The following ZBTB20 variants were observed in gnomAD, a reference collection of about 807,000 sequenced individuals.
ZBTB20 encodes the protein zinc finger and BTB domain-containing protein 20.
A neutral mutation model predicts 56.9 loss-of-function variants in ZBTB20; 9 were observed. The observed-to-expected ratio is 0.16, with a 90% CI of 0.10 to 0.28. The LOEUF (loss-of-function observed/expected upper bound fraction) is 0.28, where lower values mean the gene tolerates loss of function less well. Ranked by LOEUF, ZBTB20 falls within the 10% of genes least tolerant of loss-of-function variation. The pLI is 1.00. For synonymous variants in ZBTB20, 417 were observed against 420.7 expected (o/e 0.99, Z 0.11); for missense variants, 655 against 1,003.0 (o/e 0.65, Z 4.69).
intron 5 of ZBTB20, among the ~76,000 whole-genome samples, chr3:114,710,031 T>C (rs1008590009): frequency 1.1e-4 from 16 of 152,164 alleles, no homozygotes; most frequent in African/African-American, 3.6e-4. Context: ...TTCCTACACA[T>C]TAAACTACAG....
At chr3:114,953,832 T>A (rs2077157698) in intron 3 of ZBTB20, among the ~76,000 whole-genome samples, 1 of 152,014 alleles carries the variant, frequency 6.6e-6, no homozygotes, top group Non-Finnish European at 1.5e-5. Context: ...ACTGAAAAAA[T>A]TAGCTTCATA....
intron 2 of ZBTB20, among the ~76,000 whole-genome samples, chr3:115,012,521 A>C (rs367984114): frequency 1.3e-5 from 2 of 151,892 alleles, no homozygotes. Flanking sequence ...CAAGGATATA[A>C]CAATTGTAAT....
intron 5 of ZBTB20, among the ~76,000 whole-genome samples, chr3:114,748,529 G>T (rs2067299212): frequency 6.6e-6 from 1 of 151,728 alleles, no homozygotes; most frequent in Admixed American, 6.6e-5. Flanking sequence ...ACCTGTTGTG[G>T]CAAAGTTACT....
chr3:114,960,323 AT>A (rs1197047836), intron 3 of ZBTB20, among the ~76,000 whole-genome samples: 1 of 152,220 alleles, frequency 6.6e-6, no homozygotes, highest in Admixed American at 6.5e-5. Flanking sequence ...GCTTTTATAA[AT>A]TTTGACTGTG....
intron 6 of ZBTB20, among the ~76,000 whole-genome samples, chr3:114,503,408 C>A (rs1374097440): frequency 2.0e-5 from 3 of 152,164 alleles, no homozygotes; most frequent in Non-Finnish European, 2.9e-5. Flanking sequence ...TCAAAAGACA[C>A]CTACTTCTTG....
chr3:114,685,854 TAA>T (rs1161131838), intron 6 of ZBTB20, among the ~76,000 whole-genome samples: 1 of 152,016 alleles, frequency 6.6e-6, no homozygotes, highest in East Asian at 1.9e-4. Context: ...GAAGAAGAAA[TAA>T]AGTGTTTAGA....
chr3:114,455,050 GA>G (rs1446210780), intron 7 of ZBTB20, among the ~76,000 whole-genome samples: 21 of 139,610 alleles, frequency 1.5e-4, no homozygotes, highest in Admixed American at 5.0e-4. Flanking sequence ...GGGGAAGAGA[GA>G]GAGGGGGGGG....
At chr3:114,740,946 C>T (rs569903101) in intron 5 of ZBTB20, among the ~76,000 whole-genome samples, 101 of 152,204 alleles carry the variant, frequency 6.6e-4, no homozygotes, top group Admixed American at 1.6e-3. Flanking sequence ...TATAGAAATA[C>T]GAAACTTTAG....
chr3:114,457,045 A>G (rs1056265767), intron 7 of ZBTB20, among the ~76,000 whole-genome samples: 1 of 152,216 alleles, frequency 6.6e-6, no homozygotes, highest in Non-Finnish European at 1.5e-5. Context: ...CAGTTGACTG[A>G]TTTGGAAAGG....
intron 2 of ZBTB20, among the ~76,000 whole-genome samples, chr3:115,070,053 G>A (rs1277155618): frequency 5.3e-5 from 8 of 152,036 alleles, no homozygotes; most frequent in Non-Finnish European, 1.2e-4. Context: ...AAAGTTTCAT[G>A]TTTTCCTTCT....
At chr3:114,787,331 T>TTATATATATATATATATATATATA in intron 5 of ZBTB20, among the ~76,000 whole-genome samples, 1 of 100,578 alleles carries the variant, frequency 9.9e-6, no homozygotes, top group East Asian at 2.4e-4. Flanking sequence ...TCTTAAAAGG[T>TTATATATATATATATATATATATA]TATATATATA....
rs1360457706 is a variant in ZBTB20, at chr3:114,325,161, CCTTAATTT to C, written c.*13836_*13843del. On this transcript the variant is annotated 3_prime_UTR_variant, in exon 12 of 12. Coordinates refer to ENST00000675478, the MANE Select transcript of ZBTB20 (RefSeq NM_001348800.3). ...TTTTAATTAGATATATGCAAATTAC[CCTTAATTT>C]ATATCTCAATAGGCTCCTCAGGAAA... is the stretch of plus-strand genomic sequence containing the variant. 1.1e-4 allele frequency: 16 copies of C among 151,956 alleles called. No individual in the cohort carries two copies. The highest frequency in any genetic ancestry group is 2.1e-4 in the Non-Finnish European group (14 of 68,006). 9.4% of individuals were successfully genotyped at this position (151,956 alleles called of 1,614,324 possible). A position where few individuals can be genotyped will look rare whatever the true frequency, so the allele number is the denominator to read the frequency against.
At chr3:115,068,841 C>T (rs984879678) in intron 2 of ZBTB20, among the ~76,000 whole-genome samples, 1 of 151,580 alleles carries the variant, frequency 6.6e-6, no homozygotes, top group Non-Finnish European at 1.5e-5. Flanking sequence ...TAGAAAAATG[C>T]CATGTAAATC....
chr3:114,885,183 A>G (rs2107605151), intron 4 of ZBTB20, among the ~76,000 whole-genome samples: 1 of 152,300 alleles, frequency 6.6e-6, no homozygotes, highest in Non-Finnish European at 1.5e-5. Flanking sequence ...CATTGTTAAT[A>G]GTTGACAGAA....
At chr3:114,450,705 C>T (rs1303327282) in intron 7 of ZBTB20, among the ~76,000 whole-genome samples, 1 of 152,022 alleles carries the variant, frequency 6.6e-6, no homozygotes, top group Non-Finnish European at 1.5e-5. Context: ...AATGTGTATA[C>T]AACCATATGC....
chr3:114,956,737 T>C (rs2077260892), intron 3 of ZBTB20, among the ~76,000 whole-genome samples: 4 of 152,214 alleles, frequency 2.6e-5, no homozygotes, highest in Admixed American at 2.0e-4. Flanking sequence ...ACATGCAGGC[T>C]ATTTGACTCT....
At chr3:114,389,399 T>C (rs749093001) in intron 7 of ZBTB20, among the ~76,000 whole-genome samples, 8 of 152,042 alleles carry the variant, frequency 5.3e-5, no homozygotes, top group Non-Finnish European at 1.0e-4. Context: ...GAGTTGTGGG[T>C]GACAGTGGGG....
At position 114,945,468 on chromosome 3, in the gene ZBTB20, A is replaced by G. The variant is rs573556510; in HGVS notation, c.-456+28898T>C. On this transcript the variant is annotated intron_variant, in intron 3 of 11. Coordinates refer to ENST00000675478, the MANE Select transcript of ZBTB20 (RefSeq NM_001348800.3). ...TAAGACAAAAAATGAGAGAGGGACAAATATAATTATTCATTGAAAAGAGAT... is the reference window on the plus strand; with the variant it reads ...TAAGACAAAAAATGAGAGAGGGACAGATATAATTATTCATTGAAAAGAGAT... Among the ~76,000 whole-genome samples, 51 of 145,472 alleles carry G rather than the reference A, an allele frequency of 3.5e-4. 9 individuals are homozygous for G. Among genetic ancestry groups the G allele is most frequent in the African/African-American group, 1.3e-3 (48 of 35,868 alleles).
intron 7 of ZBTB20, among the ~76,000 whole-genome samples, chr3:114,389,470 C>CTT (rs145420261): frequency 6.8e-6 from 1 of 146,586 alleles, no homozygotes; most frequent in African/African-American, 2.5e-5. Flanking sequence ...GTATCCTTTT[C>CTT]TTTTTTTTTT....
Sources: allele counts gnomAD v4.1 joint callset (sites outside exome capture counted in the v4.1 genomes callset), GRCh38; gene constraint gnomAD v4.1.1; transcripts MANE v1.5; gene names NCBI Gene and HGNC (gene_info 2026-07-23, HGNC 2026-07-21).